LRRIQ3: variants seen among roughly 807,000 people sequenced by gnomAD.
LRRIQ3 encodes leucine-rich repeat and IQ domain-containing protein 3.
LRRIQ3 carries 75 observed loss-of-function variants against 59.3 expected under a neutral mutation model. The ratio of observed to expected loss-of-function variants is 1.26; its 90% CI spans 1.05 to 1.53. The LOEUF (loss-of-function observed/expected upper bound fraction) is 1.53. LRRIQ3 is among the 40% of genes most tolerant of loss of function. LRRIQ3 has a pLI of 0.00. For synonymous variants in LRRIQ3, 250 were observed against 231.3 expected (o/e 1.08, Z -0.73); for missense variants, 831 against 710.0 (o/e 1.17, Z -1.94).
chr1:74,102,156 C>T (rs146424849), intron 5 of LRRIQ3, among the ~76,000 whole-genome samples: 167 of 151,330 alleles, frequency 1.1e-3, no homozygotes, highest in African/African-American at 3.9e-3. Context: ...CATAGTTTAT[C>T]GCAGATCAAG....
intron 3 of LRRIQ3, among the ~76,000 whole-genome samples, chr1:74,161,053 T>C (rs1570236322): frequency 6.6e-6 from 1 of 152,052 alleles, no homozygotes; most frequent in Non-Finnish European, 1.5e-5. Context: ...TTTCTATCAG[T>C]TCTGGAGGCT....
chr1:74,187,626 T>C (rs1369245443), intron 1 of LRRIQ3, among the ~76,000 whole-genome samples: 1 of 152,106 alleles, frequency 6.6e-6, no homozygotes, highest in Non-Finnish European at 1.5e-5. Flanking sequence ...GACTACATAC[T>C]GGGTACAGTG....
intron 4 of LRRIQ3, among the ~76,000 whole-genome samples, chr1:74,127,732 T>C (rs1646956971): frequency 6.6e-6 from 1 of 152,016 alleles, no homozygotes; most frequent in South Asian, 2.1e-4. Flanking sequence ...AGGTTGTTTT[T>C]ACTCAAGATA....
intron 5 of LRRIQ3, among the ~76,000 whole-genome samples, chr1:74,095,332 A>G (rs1646437657): frequency 3.9e-5 from 6 of 152,090 alleles, no homozygotes; most frequent in Admixed American, 3.9e-4. Context: ...TTTTGTTTAC[A>G]TCGCTATTAG....
intron 6 of LRRIQ3, among the ~76,000 whole-genome samples, chr1:74,067,317 T>C (rs767000421): frequency 4.5e-4 from 69 of 152,264 alleles, no homozygotes; most frequent in Non-Finnish European, 7.8e-4. Context: ...GTACACACTC[T>C]GTGAACTTCT....
At chr1:74,098,477 C>G (rs1017520088) in intron 5 of LRRIQ3, among the ~76,000 whole-genome samples, 1 of 152,102 alleles carries the variant, frequency 6.6e-6, no homozygotes, top group African/African-American at 2.4e-5. Context: ...TCCCCACTGT[C>G]AACATTAGGC....
intron 5 of LRRIQ3, among the ~76,000 whole-genome samples, chr1:74,098,119 T>A (rs1446049546): frequency 2.6e-5 from 4 of 151,982 alleles, no homozygotes; most frequent in Non-Finnish European, 5.9e-5. Flanking sequence ...GCAAATTGGA[T>A]AAAGAGTCAA....
At chr1:74,061,218 C>G (rs567348804) in intron 6 of LRRIQ3, among the ~76,000 whole-genome samples, 2 of 152,254 alleles carry the variant, frequency 1.3e-5, no homozygotes, top group South Asian at 2.1e-4. Context: ...AGGAATACAG[C>G]TAACTGGGGT....
chr1:74,031,226 T>C (rs1270472197), intron 7 of LRRIQ3, among the ~76,000 whole-genome samples: 1 of 152,106 alleles, frequency 6.6e-6, no homozygotes, highest in Non-Finnish European at 1.5e-5. Flanking sequence ...GATCTAGAAC[T>C]AGAAATACCA....
At chr1:74,139,866 G>C (rs1647199367) in intron 4 of LRRIQ3, among the ~76,000 whole-genome samples, 2 of 151,932 alleles carry the variant, frequency 1.3e-5, no homozygotes, top group South Asian at 4.1e-4. Flanking sequence ...ATTAAATGAA[G>C]ATATATTAAA....
At chr1:74,142,966 T>C (rs1293816308) in intron 4 of LRRIQ3, among the ~76,000 whole-genome samples, 4 of 152,030 alleles carry the variant, frequency 2.6e-5, no homozygotes, top group Non-Finnish European at 5.9e-5. Flanking sequence ...AGCCCATTCA[T>C]TTTGAAAGAA....
intron 4 of LRRIQ3, among the ~76,000 whole-genome samples, chr1:74,122,491 A>G (rs1646874549): frequency 2.0e-5 from 3 of 152,050 alleles, no homozygotes; most frequent in Non-Finnish European, 2.9e-5. Flanking sequence ...ATATAGACCA[A>G]TGGAACAGAA....
At chr1:74,195,754 T>G (rs1238803339) in intron 1 of LRRIQ3, among the ~76,000 whole-genome samples, 2 of 152,194 alleles carry the variant, frequency 1.3e-5, no homozygotes, top group Admixed American at 6.5e-5. Context: ...GCAGAATTAA[T>G]GGGCTTACAG....
intron 5 of LRRIQ3, among the ~76,000 whole-genome samples, chr1:74,102,900 T>C (rs1646555282): frequency 1.3e-5 from 2 of 152,020 alleles, no homozygotes; most frequent in Admixed American, 6.6e-5. Context: ...GAGCTAGGTA[T>C]AATAAATGGT....
At chr1:74,094,882 G>C (rs10749828) in intron 5 of LRRIQ3, 4 of 151,910 alleles carry the variant, frequency 2.6e-5, no homozygotes, top group Non-Finnish European at 5.9e-5. Context: ...AAAAGGTACA[G>C]GCAAATGTTT....
intron 3 of LRRIQ3, among the ~76,000 whole-genome samples, chr1:74,167,131 A>C (rs1031123576): frequency 6.6e-6 from 1 of 151,962 alleles, no homozygotes. Context: ...GTCATTATAC[A>C]AAAAAGATAC....
chr1:74,145,274 C>T (rs1261144134), intron 4 of LRRIQ3, among the ~76,000 whole-genome samples: 1 of 152,124 alleles, frequency 6.6e-6, no homozygotes, highest in Non-Finnish European at 1.5e-5. Flanking sequence ...AAAGGGTATT[C>T]ATGACAGCTG....
At chr1:74,127,923 C>T (rs997707417) in intron 4 of LRRIQ3, among the ~76,000 whole-genome samples, 1 of 151,694 alleles carries the variant, frequency 6.6e-6, no homozygotes, top group Admixed American at 6.6e-5. Context: ...TGATGAAATC[C>T]CTCAGTTTTT....
intron 3 of LRRIQ3, among the ~76,000 whole-genome samples, chr1:74,157,812 G>A (rs75159520): frequency 0.011 from 1,677 of 151,986 alleles, 24 homozygotes; most frequent in Admixed American, 0.019. Flanking sequence ...TCCTCCAAAT[G>A]ACCACTTCTA....
Sources: allele counts gnomAD v4.1 joint callset (sites outside exome capture counted in the v4.1 genomes callset), GRCh38; gene constraint gnomAD v4.1.1; transcripts MANE v1.5; gene names NCBI Gene and HGNC (gene_info 2026-07-23, HGNC 2026-07-21).